CUL2: variants seen among roughly 807,000 people sequenced by gnomAD.
CUL2 encodes cullin 2, also known as cullin-2.
In CUL2, 22 loss-of-function variants were observed where a neutral mutation model predicts 110.2. The ratio of observed to expected loss-of-function variants is 0.20; its 90% confidence interval spans 0.14 to 0.28. The LOEUF is 0.28. Among genes scored for constraint, CUL2 ranks in the 10% least tolerant of loss-of-function variants. The pLI is 1.00. For synonymous variants in CUL2, 279 were observed against 293.2 expected (o/e 0.95, Z 0.49); for missense variants, 631 against 905.5 (o/e 0.70, Z 3.89).
rs925298901 is a variant in CUL2, at chr10:35,008,854, CTG to C, written c.*1455_*1456del. The C allele has an allele frequency of 2.0e-5, 3 of 152,062 alleles. No homozygotes were observed. The highest frequency in any genetic ancestry group is 7.2e-5 in the African/African-American group (3 of 41,396). The allele number at this position is 152,062 out of a possible 1,614,324, so 9.4% of individuals were successfully genotyped here. On this transcript the variant is annotated 3_prime_UTR_variant, in exon 21 of 21. Transcript: ENST00000374749. ...GTTTTTGTTAGGAGTAATAATATCA[CTG>C]TGGATTTTTTAAAGGCCTTACTGAA...
intron 8 of CUL2, among the ~76,000 whole-genome samples, chr10:35,039,672 A>G (rs1300965241): frequency 1.3e-5 from 2 of 150,752 alleles, no homozygotes; most frequent in African/African-American, 4.9e-5. Context: ...TGAGACCAGC[A>G]TGGCCAATAT....
chr10:35,051,246 C>T (rs185716099), intron 5 of CUL2, among the ~76,000 whole-genome samples: 1 of 151,114 alleles, frequency 6.6e-6, no homozygotes, highest in Non-Finnish European at 1.5e-5. Context: ...ACCCGGGAGG[C>T]GGAGCTTGCA....
intron 18 of CUL2, among the ~76,000 whole-genome samples, chr10:35,015,219 G>A (rs961013037): frequency 1.3e-5 from 2 of 151,842 alleles, no homozygotes; most frequent in African/African-American, 2.4e-5. Context: ...TTTGAACCCA[G>A]GAGGTGGAGG....
chr10:35,097,491 CAAAAAAAAAAA>C (rs71523359), intron 2 of CUL2, among the ~76,000 whole-genome samples: 1 of 92,638 alleles, frequency 1.1e-5, no homozygotes, highest in Non-Finnish European at 2.1e-5. Flanking sequence ...CCCCCTGTCT[CAAAAAAAAAAA>C]AAAAAAAAGA....
intron 1 of CUL2, among the ~76,000 whole-genome samples, chr10:35,073,119 G>C (rs979462481): frequency 1.3e-5 from 2 of 152,134 alleles, no homozygotes; most frequent in African/African-American, 4.8e-5. Flanking sequence ...AAAAATCAGA[G>C]AAAAGCCAAA....
intron 1 of CUL2, chr10:35,118,038 A>C (rs1034719093): frequency 2.6e-5 from 4 of 152,178 alleles, no homozygotes; most frequent in Admixed American, 2.6e-4. Flanking sequence ...ACCTACATTG[A>C]CACATCATAA....
At chr10:35,024,508 A>C (rs1021280764) in intron 17 of CUL2, among the ~76,000 whole-genome samples, 10 of 152,196 alleles carry the variant, frequency 6.6e-5, no homozygotes, top group Admixed American at 1.3e-4. Context: ...TTTAGCAAAA[A>C]AAGAGAAAAT....
At chr10:35,068,920 T>C (rs915969585) in intron 2 of CUL2, among the ~76,000 whole-genome samples, 1 of 152,168 alleles carries the variant, frequency 6.6e-6, no homozygotes, top group Admixed American at 6.5e-5. Flanking sequence ...CAGGCTGTAG[T>C]GCAATGGCCC....
intron 1 of CUL2, among the ~76,000 whole-genome samples, chr10:35,078,862 G>A (rs2086883275): frequency 6.6e-6 from 1 of 152,012 alleles, no homozygotes; most frequent in African/African-American, 2.4e-5. Flanking sequence ...TAAAAATTTG[G>A]CATCCAAAAA....
chr10:35,051,343 G>C (rs986111479), intron 5 of CUL2, among the ~76,000 whole-genome samples: 17 of 151,140 alleles, frequency 1.1e-4, no homozygotes, highest in South Asian at 4.2e-4. Flanking sequence ...GCCAGGCGCG[G>C]TGGCTCACGC....
At chr10:35,063,137 T>C in intron 2 of CUL2, 75 bp from the exon 3 acceptor site, 1 of 867,540 alleles carries the variant, frequency 1.2e-6, no homozygotes, top group South Asian at 1.5e-5. Context: ...TTGTTTGGCA[T>C]TAAAAAATGA....
At position 35,098,655 on chromosome 10, in the gene CUL2, G is replaced by A. The variant is rs540064062; in HGVS notation, c.167+2189C>T. Among the ~76,000 whole-genome samples, 12 of 152,312 alleles carry A rather than the reference G, an allele frequency of 7.9e-5. No homozygotes were observed. The East Asian group carries it at 2.1e-3, about 27-fold the overall frequency. On this transcript the variant is annotated intron_variant, in intron 2 of 5. Transcript: ENST00000685421. Reference sequence around the variant, plus strand: ...AACTTAATAAAAATAAGCAGGCGGGGCACAGTGGCTCATGCCTGTAATCCC... The same window carrying A: ...AACTTAATAAAAATAAGCAGGCGGGACACAGTGGCTCATGCCTGTAATCCC...
chr10:35,040,373 A>G (rs2085751844), intron 8 of CUL2, among the ~76,000 whole-genome samples: 1 of 152,190 alleles, frequency 6.6e-6, no homozygotes, highest in African/African-American at 2.4e-5. Flanking sequence ...ATACACAGAC[A>G]AATGCACCGG....
intron 19 of CUL2, among the ~76,000 whole-genome samples, chr10:35,012,324 CTG>C (rs2084923673): frequency 1.3e-5 from 2 of 152,056 alleles, no homozygotes. Context: ...TTATTGTAAA[CTG>C]TACTGTTAAG....
In CUL2 at chr10:35,076,970, T is replaced by C. The variant is rs538219193; in HGVS notation, c.-22-5631A>G. 8.2e-4 allele frequency among the ~76,000 whole-genome samples: 125 copies of C among 152,078 alleles called. 1 individual carries two copies. The highest frequency in any genetic ancestry group is 2.2e-3 in the African/African-American group (90 of 41,486). ...CGGAGGCTGAGGCAGGAGAATGGCG[T>C]GAACCCAGGAGGCGGAGCTTGCAAT... On this transcript the variant is annotated intron_variant, in intron 1 of 20. Coordinates refer to ENST00000374749, the MANE Select transcript of CUL2 (RefSeq NM_003591.4).
At chr10:35,048,767 A>G (rs897551284) in intron 6 of CUL2, among the ~76,000 whole-genome samples, 1 of 152,216 alleles carries the variant, frequency 6.6e-6, no homozygotes, top group Non-Finnish European at 1.5e-5. Flanking sequence ...ACTAGTTGTT[A>G]CCACCTACTT....
intron 2 of CUL2, among the ~76,000 whole-genome samples, chr10:35,096,240 C>G (rs923761870): frequency 1.3e-5 from 2 of 149,396 alleles, no homozygotes. Context: ...AAGGCTCTGT[C>G]TCAGAAAAGA....
chr10:35,099,712 G>T (rs1203727823), intron 2 of CUL2: 1 of 151,972 alleles, frequency 6.6e-6, no homozygotes, highest in Non-Finnish European at 1.5e-5. Flanking sequence ...AGAGGCAGAG[G>T]TTGCAGCCTG....
chr10:35,102,367 T>C (rs1460870592), intron 1 of CUL2, among the ~76,000 whole-genome samples: 2 of 151,174 alleles, frequency 1.3e-5, no homozygotes, highest in African/African-American at 2.4e-5. Context: ...AGGCCAGGAG[T>C]TCAAGACCAG....
Sources: gnomAD v4.1 joint callset for allele counts (sites outside exome capture counted in the v4.1 genomes callset) on GRCh38, gnomAD v4.1.1 for gene constraint, MANE v1.5 for transcripts, NCBI Gene and HGNC (gene_info 2026-07-23, HGNC 2026-07-21) for gene names.